Variants in GRIA4 observed in about 807,000 individuals in gnomAD.
GRIA4 encodes glutamate ionotropic receptor AMPA type subunit 4, also known as glutamate receptor 4.
A neutral mutation model predicts 104.0 loss-of-function variants in GRIA4; 34 were observed. The observed-to-expected ratio is 0.33, with a 90% CI of 0.25 to 0.44. The LOEUF (loss-of-function observed/expected upper bound fraction) is 0.44. Among genes scored for constraint, GRIA4 ranks in the 20% least tolerant of loss-of-function variants. The pLI is 1.00. For synonymous variants in GRIA4, 386 were observed against 381.9 expected (o/e 1.01, Z -0.13); for missense variants, 750 against 1,096.5 (o/e 0.68, Z 4.46).
intron 4 of GRIA4, among the ~76,000 whole-genome samples, chr11:105,773,234 T>A (rs1268535105): frequency 6.6e-6 from 1 of 152,076 alleles, no homozygotes; most frequent in Non-Finnish European, 1.5e-5. Context: ...CCCTTCTTTG[T>A]CCTTAAGAGG....
intron 4 of GRIA4, among the ~76,000 whole-genome samples, chr11:105,807,738 C>A (rs568315909): frequency 6.6e-6 from 1 of 151,540 alleles, no homozygotes; most frequent in Non-Finnish European, 1.5e-5. Context: ...CCTTCTCTAT[C>A]ACAAATTCTT....
At chr11:105,729,435 G>A (rs1307944687) in intron 3 of GRIA4, among the ~76,000 whole-genome samples, 1 of 152,184 alleles carries the variant, frequency 6.6e-6, no homozygotes, top group East Asian at 1.9e-4. Flanking sequence ...ACAAAGGGGA[G>A]CTGGTGCCAT....
chr11:105,728,997 T>C (rs1938406507), intron 3 of GRIA4, among the ~76,000 whole-genome samples: 1 of 152,014 alleles, frequency 6.6e-6, no homozygotes. Flanking sequence ...AAGAAATAAC[T>C]AAGATCAGAG....
At chr11:105,762,458 C>A (rs1417471674) in intron 4 of GRIA4, among the ~76,000 whole-genome samples, 1 of 152,198 alleles carries the variant, frequency 6.6e-6, no homozygotes, top group Non-Finnish European at 1.5e-5. Context: ...TGATCCACCA[C>A]AATATTAGCC....
intron 3 of GRIA4, among the ~76,000 whole-genome samples, chr11:105,666,696 T>C (rs1019896445): frequency 1.3e-5 from 2 of 152,034 alleles, no homozygotes; most frequent in African/African-American, 2.4e-5. Flanking sequence ...TAAATACACG[T>C]TGTGGTTAAC....
chr11:105,689,309 A>T, intron 3 of GRIA4, among the ~76,000 whole-genome samples: 1 of 152,160 alleles, frequency 6.6e-6, no homozygotes, highest in Non-Finnish European at 1.5e-5. Context: ...AAATGCTCAA[A>T]TAGCCTTTGT....
chr11:105,768,613 T>A (rs1226150865), intron 4 of GRIA4, among the ~76,000 whole-genome samples: 1 of 152,068 alleles, frequency 6.6e-6, no homozygotes, highest in Admixed American at 6.6e-5. Context: ...AGGTGGCTTA[T>A]GTGAATCAGT....
At chr11:105,961,138 G>A (rs1199788779) in intron 14 of GRIA4, among the ~76,000 whole-genome samples, 1 of 152,082 alleles carries the variant, frequency 6.6e-6, no homozygotes, top group Non-Finnish European at 1.5e-5. Context: ...TTAAATCCTC[G>A]ACTATACAAA....
At chr11:105,905,961 A>G (rs1391679674) in intron 9 of GRIA4, among the ~76,000 whole-genome samples, 2 of 152,158 alleles carry the variant, frequency 1.3e-5, no homozygotes, top group Non-Finnish European at 2.9e-5. Context: ...CACCACAGTA[A>G]TTGGTTATAA....
At chr11:105,963,716 T>G (rs1198721332) in intron 14 of GRIA4, among the ~76,000 whole-genome samples, 1 of 152,150 alleles carries the variant, frequency 6.6e-6, no homozygotes. Context: ...GACAATGTTT[T>G]AGAATAATTT....
At chr11:105,891,962 T>A (rs949304217) in intron 6 of GRIA4, among the ~76,000 whole-genome samples, 4 of 152,176 alleles carry the variant, frequency 2.6e-5, no homozygotes, top group Non-Finnish European at 5.9e-5. Context: ...GTTTTTGTTA[T>A]TATAATTGCT....
rs373761244 is a variant in GRIA4 at position 105,717,801 on chromosome 11, C to T, written c.248-35180C>T. 2.7e-4 allele frequency among the ~76,000 whole-genome samples: 41 copies of T among 151,158 alleles called. 1 individual carries two copies. The highest frequency in any genetic ancestry group is 1.6e-3 in the East Asian group (8 of 5,100). The stretch of plus-strand genomic sequence containing the variant: ...TATGTATACATGTGTCATGCTGGTG[C>T]GCTGCACCCACTAACTCGTCATCTA... On this transcript the variant is annotated intron_variant, in intron 3 of 16. Transcript: ENST00000282499.
chr11:105,923,147 G>C (rs1329021946), intron 11 of GRIA4, among the ~76,000 whole-genome samples: 1 of 152,082 alleles, frequency 6.6e-6, no homozygotes, highest in Non-Finnish European at 1.5e-5. Flanking sequence ...TGCAAGAGTG[G>C]CAGCCTCTAT....
chr11:105,976,807 T>C (rs947476264), intron 16 of GRIA4, among the ~76,000 whole-genome samples: 1 of 151,964 alleles, frequency 6.6e-6, no homozygotes, highest in African/African-American at 2.4e-5. Context: ...ACTAGAAAGT[T>C]TTCCAGTTTG....
chr11:105,971,973 A>G lies in GRIA4; in HGVS notation c.2354A>G (p.Lys785Arg), dbSNP rs772544215. 2 of 1,613,016 alleles carry G rather than the reference A, an allele frequency of 1.2e-6. No individual in the cohort carries two copies. Among genetic ancestry groups the G allele is most frequent in the Non-Finnish European group, 1.7e-6 (2 of 1,179,268 alleles). The change falls in exon 15 of 17, where the codon AAA becomes AGA. Residue 785 changes from lysine to arginine, a missense_variant. Physicochemically the swap from Lys to Arg is conservative, Grantham distance 26 (BLOSUM62 2). Coordinates refer to ENST00000282499, the MANE Select transcript of GRIA4 (RefSeq NM_000829.4). ...LSEAGVLDKL[K>R]NKWWYDKGEC... is the part of the protein sequence containing the mutation. ...GAGGCAGGCGTCTTAGACAAGCTGA[A>G]AAACAAATGGTGGTACGATAAAGGT... is the stretch of plus-strand genomic sequence containing the variant.
chr11:105,905,428 T>TTA lies in GRIA4; in HGVS notation c.1158+127_1158+128insTA, dbSNP rs1483656178. ...TTGTGAGTACTTACAAATACTTTAG[T>TTA]ACTTTCTTTATAATCAATGCTGTGA... On this transcript the variant is annotated intron_variant, in intron 9 of 16. Coordinates refer to ENST00000282499, the MANE Select transcript of GRIA4 (RefSeq NM_000829.4). 24 of 597,486 alleles carry TTA rather than the reference T, an allele frequency of 4.0e-5. 1 individual carries two copies. The highest frequency in any genetic ancestry group is 3.2e-4 in the African/African-American group (17 of 53,778). 37.0% of individuals were successfully genotyped at this position (597,486 alleles called of 1,614,324 possible).
Position 105,862,206 on chromosome 11 carries a change from C to G in GRIA4, c.670C>G (p.Gln224Glu), listed in dbSNP as rs777578422. The change falls in exon 5 of 17, where the codon CAG (glutamine) becomes GAG (glutamate). Residue 224 changes from glutamine to glutamate, a missense_variant and splice_region_variant. By Grantham distance (29) the Gln-to-Glu change is conservative. Coordinates refer to ENST00000282499, the MANE Select transcript of GRIA4 (RefSeq NM_000829.4). Reference protein sequence around the residue: ...EIERLQNILEQIVSVGKHVKG... With the variant: ...EIERLQNILEEIVSVGKHVKG... ...AGAGAGACTTCAAAACATATTAGAA[C>G]AGGTAAGTCCTAGATTTTATATTTT... 7 of 1,537,588 alleles carry G rather than the reference C, an allele frequency of 4.6e-6. No homozygotes were observed. Among genetic ancestry groups the G allele is most frequent in the Admixed American group, 1.7e-5 (1 of 59,680 alleles).
At chr11:105,732,329 C>A (rs1023014145) in intron 3 of GRIA4, among the ~76,000 whole-genome samples, 1 of 152,056 alleles carries the variant, frequency 6.6e-6, no homozygotes, top group Non-Finnish European at 1.5e-5. Flanking sequence ...AAGTGCCCAG[C>A]GTTGAGTGGA....
At chr11:105,861,223 C>T (rs1945213070) in intron 4 of GRIA4, among the ~76,000 whole-genome samples, 1 of 152,148 alleles carries the variant, frequency 6.6e-6, no homozygotes, top group South Asian at 2.1e-4. Flanking sequence ...GTCTTGCACG[C>T]TCCTTCTCAA....
Sources: allele counts gnomAD v4.1 joint callset (sites outside exome capture counted in the v4.1 genomes callset), GRCh38; gene constraint gnomAD v4.1.1; transcripts MANE v1.5; gene names NCBI Gene and HGNC (gene_info 2026-07-23, HGNC 2026-07-21).